FRMD3: variants seen among roughly 807,000 people sequenced by gnomAD.
FRMD3 encodes FERM domain containing 3.
A neutral mutation model predicts 70.2 loss-of-function variants in FRMD3; 33 were observed. The ratio of observed to expected loss-of-function variants is 0.47; its 90% CI spans 0.36 to 0.63. FRMD3 has a LOEUF of 0.63. Ranked by LOEUF, FRMD3 falls within the 20% of genes least tolerant of loss-of-function variation. FRMD3 has a pLI of 0.00. For missense variants in FRMD3, 632 were observed against 711.4 expected (o/e 0.89, Z 1.27); for synonymous variants, 279 against 255.9 (o/e 1.09, Z -0.86).
At chr9:83,393,930 GT>G (rs11427636) in intron 1 of FRMD3, among the ~76,000 whole-genome samples, 10 of 136,594 alleles carry the variant, frequency 7.3e-5, no homozygotes, top group Non-Finnish European at 1.1e-4. Context: ...TTTTGATTTT[GT>G]TTTTTTTTGT....
At chr9:83,550,723 T>TGC in the FRMD3 span, among the ~76,000 whole-genome samples, 2 of 150,380 alleles carry the variant, frequency 1.3e-5, no homozygotes, top group African/African-American at 2.4e-5. Flanking sequence ...TGTGTGTGTG[T>TGC]GCATTCATGT....
chr9:83,564,617 C>G, the FRMD3 span, among the ~76,000 whole-genome samples: 1 of 152,006 alleles, frequency 6.6e-6, no homozygotes, highest in Non-Finnish European at 1.5e-5. Context: ...TTCAATGATC[C>G]AAATCTTGTT....
At chr9:83,499,563 T>A (rs1301394149) in intron 1 of FRMD3, among the ~76,000 whole-genome samples, 1 of 152,212 alleles carries the variant, frequency 6.6e-6, no homozygotes, top group Non-Finnish European at 1.5e-5. Context: ...AAAATTATCC[T>A]ACAGTACAAA....
At chr9:83,326,945 T>C (rs1301100638) in intron 6 of FRMD3, among the ~76,000 whole-genome samples, 2 of 152,222 alleles carry the variant, frequency 1.3e-5, no homozygotes, top group Admixed American at 6.5e-5. Flanking sequence ...AGGAACAATT[T>C]CCCTTTTATT....
chr9:83,494,916 T>C (rs1452002884), intron 1 of FRMD3, among the ~76,000 whole-genome samples: 1 of 152,188 alleles, frequency 6.6e-6, no homozygotes, highest in Non-Finnish European at 1.5e-5. Context: ...TATCATTGTA[T>C]ACACAGTTGT....
chr9:83,538,081 G>A lies in FRMD3; in HGVS notation c.147+4C>T, dbSNP rs370791753. The A allele has an allele frequency of 6.2e-7, 1 of 1,611,534 alleles. No individual in the cohort carries two copies. The highest frequency in any genetic ancestry group is 8.5e-7 in the Non-Finnish European group (1 of 1,178,240). The stretch of plus-strand genomic sequence containing the variant: ...CCCGCGCCCTCGCCCGGTTCCACGC[G>A]CACCTGGATGTGGCAGGAGATCTCC... On this transcript the variant is annotated splice_donor_region_variant and intron_variant, in intron 1 of 13. Coordinates refer to ENST00000304195, the MANE Select transcript of FRMD3 (RefSeq NM_174938.6). This position sits in a 1 kb window ranked among gnomAD's most constrained non-coding sequence, Gnocchi z 4.7.
At chr9:83,480,248 A>T (rs968409528) in intron 1 of FRMD3, among the ~76,000 whole-genome samples, 1 of 152,206 alleles carries the variant, frequency 6.6e-6, no homozygotes, top group Non-Finnish European at 1.5e-5. Flanking sequence ...ACAGAGTATT[A>T]TTCAGCAGTC....
chr9:83,383,052 C>T lies in FRMD3; in HGVS notation c.252+6552G>A, dbSNP rs138097027. On this transcript the variant is annotated intron_variant, in intron 2 of 13. Transcript: ENST00000304195. Reference sequence around the variant, plus strand: ...CAGCCGTGTAAGAAGTACAAACACCCTGCTGGAGAGGTCATCTGGAAAGGG... The same window carrying T: ...CAGCCGTGTAAGAAGTACAAACACCTTGCTGGAGAGGTCATCTGGAAAGGG... 9.8e-5 allele frequency among the ~76,000 whole-genome samples: 15 copies of T among 152,326 alleles called. No individual in the cohort carries two copies. In the East Asian group the frequency reaches 2.1e-3, roughly 22 times the overall value.
the FRMD3 span, among the ~76,000 whole-genome samples, chr9:83,576,026 A>G: frequency 6.6e-6 from 1 of 152,210 alleles, no homozygotes; most frequent in South Asian, 2.1e-4. Flanking sequence ...TGGGCAATAT[A>G]GCAAGACCTC....
At chr9:83,386,687 TA>T (rs1274439307) in intron 2 of FRMD3, among the ~76,000 whole-genome samples, 1 of 152,224 alleles carries the variant, frequency 6.6e-6, no homozygotes, top group Non-Finnish European at 1.5e-5. Context: ...TAGCATTAAC[TA>T]AACTACAGAC....
chr9:83,488,494 G>A (rs1246524680), intron 1 of FRMD3, among the ~76,000 whole-genome samples: 1 of 152,162 alleles, frequency 6.6e-6, no homozygotes, highest in Non-Finnish European at 1.5e-5. Context: ...ATTAGGACAG[G>A]TGGGATTACA....
At chr9:83,560,479 G>A in the FRMD3 span, among the ~76,000 whole-genome samples, 14 of 152,248 alleles carry the variant, frequency 9.2e-5, no homozygotes, top group South Asian at 2.1e-4. Flanking sequence ...AGCCTTAATC[G>A]GAGCCTTCCA....
At chr9:83,540,258 C>T (rs1401129212), upstream of FRMD3, among the ~76,000 whole-genome samples, 1 of 152,200 alleles carries the variant, frequency 6.6e-6, no homozygotes. Flanking sequence ...AAGTCACCAG[C>T]CAAACAGTCC....
At chr9:83,500,476 G>A (rs1341942221) in intron 1 of FRMD3, among the ~76,000 whole-genome samples, 1 of 147,756 alleles carries the variant, frequency 6.8e-6, no homozygotes, top group Admixed American at 6.8e-5. Context: ...CTATAAGCCT[G>A]CATAGAGTGC....
At chr9:83,363,770 G>A (rs1001923462) in intron 3 of FRMD3, among the ~76,000 whole-genome samples, 4 of 152,052 alleles carry the variant, frequency 2.6e-5, no homozygotes, top group Admixed American at 2.0e-4. Flanking sequence ...TAGCCAGGAT[G>A]GTCTCGATCT....
intron 1 of FRMD3, among the ~76,000 whole-genome samples, chr9:83,533,336 T>G (rs1829826979): frequency 6.6e-6 from 1 of 152,232 alleles, no homozygotes; most frequent in Non-Finnish European, 1.5e-5. Flanking sequence ...AAAATTCATA[T>G]GAGATAATAC....
chr9:83,535,379 G>A lies in FRMD3; in HGVS notation c.147+2706C>T, dbSNP rs973254787. Among the ~76,000 whole-genome samples, 9 of 152,236 alleles carry A rather than the reference G, an allele frequency of 5.9e-5. No homozygotes were observed. The East Asian group carries it at 1.7e-3, about 29-fold the overall frequency. On this transcript the variant is annotated intron_variant, in intron 1 of 13. Transcript: ENST00000304195. ...GAATCTGGAATGCTTACCTACTAGAGAACACAGACTAATGAGCTCCCAAGG... is the reference window on the plus strand; with the variant it reads ...GAATCTGGAATGCTTACCTACTAGAAAACACAGACTAATGAGCTCCCAAGG...
rs201984309 is a variant in FRMD3, at chr9:83,460,940, GAA to G, written c.148-71234_148-71233del. The stretch of plus-strand genomic sequence containing the variant: ...GTACACATTTCTGAGGAGGCAGCAG[GAA>G]AAAAAAAAACAGCCCCTGAGCTCTT... On this transcript the variant is annotated intron_variant, in intron 1 of 13. Transcript: ENST00000304195. Among the ~76,000 whole-genome samples, 1,057 of 145,844 alleles carry G rather than the reference GAA, an allele frequency of 7.2e-3. 12 individuals carry two copies. Among genetic ancestry groups the G allele is most frequent in the African/African-American group, 0.025 (996 of 40,038 alleles).
At chr9:83,542,644 A>C (rs1830011825), upstream of FRMD3, among the ~76,000 whole-genome samples, 1 of 152,214 alleles carries the variant, frequency 6.6e-6, no homozygotes, top group Non-Finnish European at 1.5e-5. Flanking sequence ...CAGAGTAGCT[A>C]ACACAATACT....
Sources: allele counts gnomAD v4.1 joint callset (sites outside exome capture counted in the v4.1 genomes callset), GRCh38; gene constraint gnomAD v4.1.1; non-coding constraint Gnocchi (gnomAD v3.1); transcripts MANE v1.5; gene names NCBI Gene and HGNC (gene_info 2026-07-23, HGNC 2026-07-21).